Variants in BRMS1 observed in about 807,000 individuals in gnomAD.
The protein encoded by BRMS1 is breast cancer metastasis-suppressor 1.
BRMS1 carries 26 observed loss-of-function variants against 40.4 expected under a neutral mutation model. That is an observed-to-expected ratio of 0.64 (90% CI 0.47 to 0.89). The LOEUF (loss-of-function observed/expected upper bound fraction) is 0.89, where lower values mean the gene tolerates loss of function less well. Among genes scored for constraint, BRMS1 ranks in the 40% least tolerant of loss-of-function variants. BRMS1 has a pLI of 0.00. For synonymous variants in BRMS1, 103 were observed against 116.0 expected (o/e 0.89, Z 0.72); for missense variants, 289 against 309.4 (o/e 0.93, Z 0.49).
At chr11:66,338,829 G>A (rs372393832) in intron 7 of BRMS1, 44 bp from the exon 8 acceptor site, 8 of 1,510,646 alleles carry the variant, frequency 5.3e-6, no homozygotes, top group African/African-American at 4.2e-5. Context: ...GGCAGGTGAC[G>A]AGGGCAGGGC....
At chr11:66,338,168 C>T (rs148089729) in intron 9 of BRMS1, 75 bp downstream of exon 9, 28 of 1,570,076 alleles carry the variant, frequency 1.8e-5, no homozygotes, top group Non-Finnish European at 2.3e-5. Context: ...TCTCTGGGCT[C>T]CTTCCTGGAA....
In BRMS1 at chr11:66,342,095, C is replaced by T; in HGVS notation, c.139+1G>A. 6.2e-7 allele frequency: 1 copy of T among 1,611,912 alleles called. No homozygotes were observed. The highest frequency in any genetic ancestry group is 1.3e-5 in the African/African-American group (1 of 74,742). On this transcript the variant is annotated splice_donor_variant, in intron 2 of 9. Transcript: ENST00000359957. LOFTEE classifies it high-confidence loss of function. ...GTGTGTCTGTGTGTGTAGGGGCTCA[C>T]CGGAGCTCTCCTCTTCTGACTCTGT... is the stretch of plus-strand genomic sequence containing the variant.
chr11:66,341,481 C>T lies in BRMS1; in HGVS notation c.230+52G>A. 3.1e-6 allele frequency: 5 copies of T among 1,606,502 alleles called. No homozygotes were observed. Among genetic ancestry groups the T allele is most frequent in the South Asian group, 1.1e-5 (1 of 90,916 alleles). On this transcript the variant is annotated intron_variant, in intron 3 of 9. Transcript: ENST00000359957. This position sits in a 1 kb window ranked among gnomAD's most constrained non-coding sequence, Gnocchi z 4.9. ...CGCCTGCCCAGTACCAGGCCCACCACCTCCTCATCCCAGATCCTCGCAGAC... is the reference window on the plus strand; with the variant it reads ...CGCCTGCCCAGTACCAGGCCCACCATCTCCTCATCCCAGATCCTCGCAGAC...
In BRMS1 at chr11:66,338,728, A is replaced by C; in HGVS notation, c.686T>G (p.Ile229Ser). 6.2e-7 allele frequency: 1 copy of C among 1,607,220 alleles called. No homozygotes were observed. Among genetic ancestry groups the C allele is most frequent in the Non-Finnish European group, 8.5e-7 (1 of 1,175,804 alleles). The change falls in exon 8 of 10, where the codon ATC becomes AGC. Residue 229 changes from isoleucine to serine, a missense_variant. Ile to Ser is a moderately radical substitution (Grantham distance 142, BLOSUM62 -2). Transcript: ENST00000359957. ...EIDILEDWTA[I>S]KKARAAVSPQ... ...GGCAGCAGCGGCCCCCACCTTTTTG[A>C]TGGCTGTCCAGTCCTCCAGGATGTC...
intron 9 of BRMS1, 140 bp from the exon 10 acceptor site, chr11:66,338,029 TG>T: frequency 8.5e-7 from 1 of 1,172,194 alleles, no homozygotes; most frequent in Non-Finnish European, 1.2e-6. Context: ...CCCTCCTGAG[TG>T]GGAGCTCCAT....
At position 66,337,468 on chromosome 11, in the gene BRMS1, C is replaced by T; in HGVS notation, c.*414G>A. On this transcript the variant is annotated 3_prime_UTR_variant, in exon 10 of 10. Coordinates refer to ENST00000359957, the MANE Select transcript of BRMS1 (RefSeq NM_015399.4). ...CAGGGTGGACAGACCCCCAGATAATCACGTCTGACTCAGAGTTCCCGCACA... is the reference window on the plus strand; with the variant it reads ...CAGGGTGGACAGACCCCCAGATAATTACGTCTGACTCAGAGTTCCCGCACA... 3.6e-6 allele frequency: 2 copies of T among 559,070 alleles called. No homozygotes were observed. Among genetic ancestry groups the T allele is most frequent in the Non-Finnish European group, 6.4e-6 (2 of 313,914 alleles). The allele number at this position is 559,070 out of a possible 1,614,324, so 34.6% of individuals were successfully genotyped here. A position where few individuals can be genotyped will look rare whatever the true frequency, so the allele number is the denominator to read the frequency against.
At chr11:66,342,826 C>T (rs1855117506) in intron 1 of BRMS1, among the ~76,000 whole-genome samples, 2 of 152,242 alleles carry the variant, frequency 1.3e-5, no homozygotes, top group Non-Finnish European at 2.9e-5. Flanking sequence ...ATGGCTAGTG[C>T]TTGCACTTCC....
intron 1 of BRMS1, among the ~76,000 whole-genome samples, chr11:66,344,046 G>C (rs540876468): frequency 2.2e-4 from 33 of 152,142 alleles, no homozygotes; most frequent in Non-Finnish European, 3.7e-4. Context: ...TAGTCCTTTA[G>C]AACAGTGCAG....
At position 66,342,187 on chromosome 11, in the gene BRMS1, C is replaced by A. The variant is rs550292191; in HGVS notation, c.48G>T (p.Glu16Asp). ...PSKDTEEMEA[E>D]GDSAAEMNGE... ...CATTCATCTCAGCAGCAGAATCACCCTCTGCTTCCATCTCTTCTGTGTCTT... is the reference window on the plus strand; with the variant it reads ...CATTCATCTCAGCAGCAGAATCACCATCTGCTTCCATCTCTTCTGTGTCTT... The change falls in exon 2 of 10, where the codon GAG becomes GAT. Residue 16 changes from glutamate (E) to aspartate (D), a missense_variant. Coordinates refer to ENST00000359957, the MANE Select transcript of BRMS1 (RefSeq NM_015399.4). 3.1e-6 allele frequency: 5 copies of A among 1,613,892 alleles called. No individual in the cohort carries two copies. The East Asian group carries it at 1.1e-4, about 36-fold the overall frequency.
At chr11:66,338,154 C>T (rs1854973622) in intron 9 of BRMS1, 89 bp downstream of exon 9, 12 of 1,536,736 alleles carry the variant, frequency 7.8e-6, no homozygotes, top group Non-Finnish European at 4.4e-6. Context: ...ACAGTCACAG[C>T]CTTTCTCTGG....
chr11:66,341,128 C>G lies in BRMS1; in HGVS notation c.358+78G>C. ...GAGGGCTGAGAGCAAAGGGCAAGGC[C>G]GGGCAGGAACGAGAGAGGAAGGGGA... On this transcript the variant is annotated intron_variant, in intron 4 of 9. Coordinates refer to ENST00000359957, the MANE Select transcript of BRMS1 (RefSeq NM_015399.4). The surrounding 1 kb of genome is among the most constrained non-coding windows in gnomAD (Gnocchi z 4.9). 6.2e-7 allele frequency: 1 copy of G among 1,612,024 alleles called. No individual in the cohort carries two copies. Among genetic ancestry groups the G allele is most frequent in the Non-Finnish European group, 8.5e-7 (1 of 1,178,992 alleles).
chr11:66,337,374 T>C lies in BRMS1; in HGVS notation c.*508A>G. On this transcript the variant is annotated 3_prime_UTR_variant, in exon 10 of 10. Transcript: ENST00000359957. ...GGTTTTAATTCCAGTCCTTGGAATCTGAGAAGCAGACACCAAGAACTGCCC... is the reference window on the plus strand; with the variant it reads ...GGTTTTAATTCCAGTCCTTGGAATCCGAGAAGCAGACACCAAGAACTGCCC... The C allele has an allele frequency of 2.6e-6, 1 of 388,642 alleles. No homozygotes were observed. Among genetic ancestry groups the C allele is most frequent in the Admixed American group, 3.9e-5 (1 of 25,326 alleles). The allele number at this position is 388,642 out of a possible 1,614,324, so 24.1% of individuals were successfully genotyped here.
chr11:66,338,420 G>A (rs1036053134), intron 8 of BRMS1, 138 bp from the exon 9 acceptor site: 17 of 1,515,924 alleles, frequency 1.1e-5, no homozygotes, highest in Middle Eastern at 2.1e-4. Flanking sequence ...GCCCCACCCA[G>A]GCAGAGCTCC....
rs1424705423 is a variant in BRMS1 at position 66,340,962 on chromosome 11, C to T, written c.438+5G>A. ...CTCACCCCCAGTGTGCCCAATCAGG[C>T]CCACCTCCAGGTGCTGTTTGGCTCC... On this transcript the variant is annotated splice_donor_5th_base_variant and intron_variant, in intron 5 of 9. Coordinates refer to ENST00000359957, the MANE Select transcript of BRMS1 (RefSeq NM_015399.4). The T allele has an allele frequency of 6.2e-7, 1 of 1,614,044 alleles. No individual in the cohort carries two copies. Among genetic ancestry groups the T allele is most frequent in the Non-Finnish European group, 8.5e-7 (1 of 1,179,964 alleles).
chr11:66,340,985 T>C lies in BRMS1; in HGVS notation c.420A>G (p.Gly140=), dbSNP rs561305401. The C allele has an allele frequency of 2.0e-5, 32 of 1,613,982 alleles. No homozygotes were observed. In the African/African-American group the frequency reaches 3.1e-4, roughly 15 times the overall value. ...IRNKYECELQ[G]AKQHLESEKL... Reference sequence around the variant, plus strand: ...GGCCCACCTCCAGGTGCTGTTTGGCTCCCTGCAGCTCACATTCGTACTTAT... The same window carrying C: ...GGCCCACCTCCAGGTGCTGTTTGGCCCCCTGCAGCTCACATTCGTACTTAT... Residue 140 remains glycine, a synonymous_variant, in exon 5 of 10, where the codon GGA becomes GGG. Transcript: ENST00000359957.
chr11:66,343,861 GAA>G (rs1444514432), intron 1 of BRMS1, among the ~76,000 whole-genome samples: 3 of 8,002 alleles, frequency 3.7e-4, no homozygotes, highest in South Asian at 0.17. Context: ...AAGTGGTGGA[GAA>G]AGAGTTTTAG....
intron 1 of BRMS1, 36 bp from the exon 2 acceptor site, chr11:66,342,277 C>T: frequency 6.2e-7 from 1 of 1,606,222 alleles, no homozygotes; most frequent in Non-Finnish European, 8.5e-7. Context: ...TTATGGCTGC[C>T]CACAGCTCAG....
At chr11:66,337,968 T>G (rs745734822) in intron 9 of BRMS1, 79 bp from the exon 10 acceptor site, 64 of 1,496,316 alleles carry the variant, frequency 4.3e-5, no homozygotes, top group Non-Finnish European at 5.8e-5. Context: ...CTGAGTGGCT[T>G]TGGGCTGGCC....
intron 8 of BRMS1, 48 bp downstream of exon 8, chr11:66,338,673 G>A (rs766794242): frequency 1.9e-5 from 31 of 1,613,036 alleles, no homozygotes; most frequent in South Asian, 1.1e-5. Flanking sequence ...CTGCCAGGGT[G>A]GGGGGCCCTG....
Sources: gnomAD v4.1 joint callset for allele counts (sites outside exome capture counted in the v4.1 genomes callset) on GRCh38, gnomAD v4.1.1 for gene constraint, Gnocchi (gnomAD v3.1) non-coding constraint, MANE v1.5 for transcripts, NCBI Gene and HGNC (gene_info 2026-07-23, HGNC 2026-07-21) for gene names.